WFDC13: variants seen among roughly 807,000 people sequenced by gnomAD.
WFDC13 encodes the protein WAP four-disulfide core domain protein 13.
WFDC13 carries 6 observed loss-of-function variants against 10.9 expected under a neutral mutation model. The ratio of observed to expected loss-of-function variants is 0.55; its 90% CI spans 0.30 to 1.09. The LOEUF (loss-of-function observed/expected upper bound fraction) is 1.09, where lower values mean the gene tolerates loss of function less well. WFDC13 is among the 50% of genes least tolerant of loss of function. The pLI is 0.06. For missense variants in WFDC13, 104 were observed against 109.6 expected (o/e 0.95, Z 0.23); for synonymous variants, 38 against 39.5 (o/e 0.96, Z 0.14).
rs1378044771 is a variant in WFDC13 at position 45,705,112 on chromosome 20, AAG to A, written c.239+519_239+520del. 4 of 950,560 alleles carry A rather than the reference AAG, an allele frequency of 4.2e-6. No individual in the cohort carries two copies. In the African/African-American group the frequency reaches 4.8e-5, roughly 11 times the overall value. The allele number at this position is 950,560 out of a possible 1,614,324, so 58.9% of individuals were successfully genotyped here. A position where few individuals can be genotyped will look rare whatever the true frequency, so the allele number is the denominator to read the frequency against. ...ATGGAGTGTGCTCCCAGGGCAGAGA[AAG>A]GACATAGGGTGCTGATGAGACATAT... is the stretch of plus-strand genomic sequence containing the variant. On this transcript the variant is annotated intron_variant, in intron 2 of 3. Coordinates refer to ENST00000305479, the MANE Select transcript of WFDC13 (RefSeq NM_172005.2).
chr20:45,708,630 G>C lies in WFDC13; in HGVS notation c.*795G>C, dbSNP rs1568677915. 6.6e-6 allele frequency: 1 copy of C among 152,096 alleles called. No homozygotes were observed. The highest frequency in any genetic ancestry group is 2.4e-5 in the African/African-American group (1 of 41,414). The allele number at this position is 152,096 out of a possible 1,614,324, so 9.4% of individuals were successfully genotyped here. Reference sequence around the variant, plus strand: ...AATGATATAAAAACTATAGTCATAAGAAGAGACAATCAAAAATAATCAGCC... The same window carrying C: ...AATGATATAAAAACTATAGTCATAACAAGAGACAATCAAAAATAATCAGCC... On this transcript the variant is annotated 3_prime_UTR_variant, in exon 4 of 4. Transcript: ENST00000305479.
rs747722540 is a variant in WFDC13, at chr20:45,705,871, A to G, written c.248A>G (p.His83Arg). 1 of 1,613,872 alleles carries G rather than the reference A, an allele frequency of 6.2e-7. No individual in the cohort carries two copies. The highest frequency in any genetic ancestry group is 1.3e-5 in the African/African-American group (1 of 74,926). Residue 83 changes from histidine to arginine, a missense_variant, in exon 3 of 4, where the codon CAC becomes CGC. Coordinates refer to ENST00000305479, the MANE Select transcript of WFDC13 (RefSeq NM_172005.2). ...ATATTTTTCTTCTACAGAATCAAAC[A>G]CAAGGGCTCAGAAGTCATCATGCCT... ...ETFQKRNRIK[H>R]KGSEVIMPAN
rs1984324546 is a variant in WFDC13, at chr20:45,704,810, C to A, written c.239+216C>A. 5 of 1,337,828 alleles carry A rather than the reference C, an allele frequency of 3.7e-6. No individual in the cohort carries two copies. In the South Asian group the frequency reaches 6.0e-5, roughly 16 times the overall value. The allele number at this position is 1,337,828 out of a possible 1,614,324, so 82.9% of individuals were successfully genotyped here. The stretch of plus-strand genomic sequence containing the variant: ...CCCTCCCAATCACCACATCCCATCA[C>A]CATATCCGTGAATTTCTGACTCTGC... On this transcript the variant is annotated intron_variant, in intron 2 of 3. Transcript: ENST00000305479.
rs1256239808 is a variant in WFDC13, at chr20:45,708,129, G to T, written c.*294G>T. The T allele has an allele frequency of 2.0e-5, 3 of 152,186 alleles. No homozygotes were observed. Among genetic ancestry groups the T allele is most frequent in the African/African-American group, 4.8e-5 (2 of 41,416 alleles). The allele number at this position is 152,186 out of a possible 1,614,324, so 9.4% of individuals were successfully genotyped here. A position where few individuals can be genotyped will look rare whatever the true frequency, so the allele number is the denominator to read the frequency against. On this transcript the variant is annotated 3_prime_UTR_variant, in exon 4 of 4. Coordinates refer to ENST00000305479, the MANE Select transcript of WFDC13 (RefSeq NM_172005.2). ...GTTCCAGTCCAGGGATGCTGTGTGT[G>T]CCCTGGTGGTGGTCTTAAGGACCTA...
intron 3 of WFDC13, among the ~76,000 whole-genome samples, chr20:45,707,567 A>G (rs75901127): frequency 0.042 from 6,336 of 152,324 alleles, 194 homozygotes; most frequent in African/African-American, 0.078. Flanking sequence ...CACATTATAA[A>G]TACAGAACAC....
intron 3 of WFDC13, among the ~76,000 whole-genome samples, chr20:45,707,533 A>T (rs1334619365): frequency 2.0e-5 from 3 of 152,240 alleles, no homozygotes; most frequent in Non-Finnish European, 2.9e-5. Flanking sequence ...TAATAACCAC[A>T]TGTGGTTAGT....
chr20:45,702,214 A>G lies in WFDC13; in HGVS notation c.88+3A>G. On this transcript the variant is annotated splice_donor_region_variant and intron_variant, in intron 1 of 3. Coordinates refer to ENST00000305479, the MANE Select transcript of WFDC13 (RefSeq NM_172005.2). Reference sequence around the variant, plus strand: ...GAGTCCCAAGCAGCGTGTTCTGAGTAGGTGCTGGATCTGGGCCCAAGGAGG... The same window carrying G: ...GAGTCCCAAGCAGCGTGTTCTGAGTGGGTGCTGGATCTGGGCCCAAGGAGG... The G allele has an allele frequency of 6.2e-7, 1 of 1,611,000 alleles. No homozygotes were observed. Among genetic ancestry groups the G allele is most frequent in the African/African-American group, 1.3e-5 (1 of 74,966 alleles).
At chr20:45,703,024 T>C (rs770958495) in intron 1 of WFDC13, among the ~76,000 whole-genome samples, 21 of 152,186 alleles carry the variant, frequency 1.4e-4, no homozygotes, top group Non-Finnish European at 2.9e-4. Flanking sequence ...CTAAGCAAGC[T>C]ACAAGAAAAT....
At chr20:45,703,520 C>T (rs1984258671) in intron 1 of WFDC13, among the ~76,000 whole-genome samples, 2 of 152,154 alleles carry the variant, frequency 1.3e-5, no homozygotes, top group Admixed American at 6.6e-5. Flanking sequence ...CAATAGAATG[C>T]CCCACTTTTG....
At chr20:45,702,383 T>C (rs906279363) in intron 1 of WFDC13, among the ~76,000 whole-genome samples, 172 bp downstream of exon 1, 1 of 152,224 alleles carries the variant, frequency 6.6e-6, no homozygotes, top group African/African-American at 2.4e-5. Flanking sequence ...CTGAGTGACC[T>C]TGGGCATAGT....
intron 2 of WFDC13, chr20:45,704,850 C>A: frequency 6.6e-7 from 1 of 1,524,446 alleles, no homozygotes; most frequent in Non-Finnish European, 9.1e-7. Flanking sequence ...CTGAACACAC[C>A]CACAAATGCC....
chr20:45,706,046 C>T (rs1984378385), intron 3 of WFDC13, 119 bp downstream of exon 3: 2 of 806,522 alleles, frequency 2.5e-6, no homozygotes, highest in Non-Finnish European at 4.0e-6. Context: ...CCTCTCATTA[C>T]CTGATTGCCT....
intron 2 of WFDC13, chr20:45,704,939 C>T: frequency 1.2e-6 from 2 of 1,614,126 alleles, no homozygotes; most frequent in Non-Finnish European, 1.7e-6. Context: ...ACCAAAATCC[C>T]AAAGCAAAAT....
intron 1 of WFDC13, among the ~76,000 whole-genome samples, chr20:45,703,188 C>G (rs1057094430): frequency 6.6e-6 from 1 of 152,172 alleles, no homozygotes; most frequent in African/African-American, 2.4e-5. Flanking sequence ...TCTGAGATCT[C>G]TGGATCATGG....
chr20:45,707,018 C>G (rs1325785091), intron 3 of WFDC13, among the ~76,000 whole-genome samples: 1 of 152,170 alleles, frequency 6.6e-6, no homozygotes, highest in Non-Finnish European at 1.5e-5. Context: ...TTTTATTAAC[C>G]CTGTACAAAG....
chr20:45,707,459 T>C (rs1984442193), intron 3 of WFDC13, among the ~76,000 whole-genome samples: 1 of 152,130 alleles, frequency 6.6e-6, no homozygotes, highest in Non-Finnish European at 1.5e-5. Context: ...TGTTAATTCA[T>C]ATGAATTACA....
chr20:45,703,082 G>A (rs1984231918), intron 1 of WFDC13, among the ~76,000 whole-genome samples: 1 of 152,172 alleles, frequency 6.6e-6, no homozygotes, highest in African/African-American at 2.4e-5. Flanking sequence ...TTTGAGGAAA[G>A]GCACAAAGAG....
rs769467087 is a variant in WFDC13 at position 45,702,234 on chromosome 20, A to G, written c.88+23A>G. On this transcript the variant is annotated intron_variant, in intron 1 of 3. Transcript: ENST00000305479. ...TGAGTAGGTGCTGGATCTGGGCCCA[A>G]GGAGGGAAGTAACATGTGTGGATAG... 4 of 1,602,796 alleles carry G rather than the reference A, an allele frequency of 2.5e-6. No homozygotes were observed. In the East Asian group the frequency reaches 6.8e-5, roughly 27 times the overall value.
rs1291400847 is a variant in WFDC13, at chr20:45,707,861, T to G, written c.*26T>G. ...AATTATCTTTCCTTCCCCACAGGCC[T>G]CTACGATGTTTTTTCTTGGTCCACC... is the stretch of plus-strand genomic sequence containing the variant. On this transcript the variant is annotated 3_prime_UTR_variant, in exon 4 of 4. Transcript: ENST00000305479. 6.6e-6 allele frequency: 1 copy of G among 152,224 alleles called. No individual in the cohort carries two copies. The highest frequency in any genetic ancestry group is 1.5e-5 in the Non-Finnish European group (1 of 68,038). The allele number at this position is 152,224 out of a possible 1,614,324, so 9.4% of individuals were successfully genotyped here. A position where few individuals can be genotyped will look rare whatever the true frequency, so the allele number is the denominator to read the frequency against.
Sources: allele counts gnomAD v4.1 joint callset (sites outside exome capture counted in the v4.1 genomes callset), GRCh38; gene constraint gnomAD v4.1.1; transcripts MANE v1.5; gene names NCBI Gene and HGNC (gene_info 2026-07-23, HGNC 2026-07-21).